CDH18: variants seen among roughly 807,000 people sequenced by gnomAD.
The protein encoded by CDH18 is cadherin 18.
CDH18 carries 31 observed loss-of-function variants against 67.9 expected under a neutral mutation model. The ratio of observed to expected loss-of-function variants is 0.46; its 90% CI spans 0.34 to 0.62. The LOEUF is 0.62. Ranked by LOEUF, CDH18 falls within the 20% of genes least tolerant of loss-of-function variation. The pLI is 0.01. For missense variants in CDH18, 890 were observed against 975.5 expected (o/e 0.91, Z 1.17); for synonymous variants, 362 against 347.2 (o/e 1.04, Z -0.48).
At chr5:20,249,715 A>C (rs1213377695) in intron 2 of CDH18, among the ~76,000 whole-genome samples, 3 of 152,174 alleles carry the variant, frequency 2.0e-5, no homozygotes, top group Non-Finnish European at 4.4e-5. Context: ...TACTTCGCTA[A>C]AAAAATTAAC....
intron 3 of CDH18, among the ~76,000 whole-genome samples, chr5:19,768,818 A>C (rs1773393143): frequency 6.6e-6 from 1 of 152,134 alleles, no homozygotes; most frequent in African/African-American, 2.4e-5. Context: ...TATTTATAAT[A>C]GAAGTATAAA....
At position 19,787,520 on chromosome 5, in the gene CDH18, T is replaced by TA. The variant is rs1238674487; in HGVS notation, c.229-40285dup. The stretch of plus-strand genomic sequence containing the variant: ...TTAATATAAAACAGCATTATTTTTA[T>TA]AGTTATCTGAAACTATATGCATGTG... On this transcript the variant is annotated intron_variant, in intron 3 of 12. Coordinates refer to ENST00000382275, the MANE Select transcript of CDH18 (RefSeq NM_004934.5). Among the ~76,000 whole-genome samples, 4 of 152,156 alleles carry TA rather than the reference T, an allele frequency of 2.6e-5. No homozygotes were observed. The South Asian group carries it at 8.3e-4, about 31-fold the overall frequency.
chr5:19,940,436 A>G (rs1794697637), intron 2 of CDH18, among the ~76,000 whole-genome samples: 1 of 151,948 alleles, frequency 6.6e-6, no homozygotes, highest in Non-Finnish European at 1.5e-5. Context: ...TTCTCCACAC[A>G]TCAGCCAGAC....
At chr5:19,596,998 C>T (rs1580407064) in intron 6 of CDH18, among the ~76,000 whole-genome samples, 1 of 152,140 alleles carries the variant, frequency 6.6e-6, no homozygotes, top group Non-Finnish European at 1.5e-5. Flanking sequence ...TATAGTGGCT[C>T]ACTTATGATG....
chr5:19,790,501 T>C (rs1218019887), intron 3 of CDH18, among the ~76,000 whole-genome samples: 4 of 152,158 alleles, frequency 2.6e-5, no homozygotes, highest in Non-Finnish European at 4.4e-5. Flanking sequence ...GACACATAGA[T>C]AATTAAAATA....
intron 2 of CDH18, among the ~76,000 whole-genome samples, chr5:19,858,966 G>GA (rs754139144): frequency 7.5e-4 from 112 of 149,514 alleles, no homozygotes; most frequent in Admixed American, 1.3e-3. Context: ...CATGAAAAAT[G>GA]AAAAAAAAAC....
chr5:19,548,908 C>T (rs1340348474), intron 8 of CDH18, among the ~76,000 whole-genome samples: 1 of 151,936 alleles, frequency 6.6e-6, no homozygotes. Flanking sequence ...TGCCATCATG[C>T]CTGGCTAATT....
chr5:19,944,414 G>A (rs931020818), intron 2 of CDH18, among the ~76,000 whole-genome samples: 1 of 152,072 alleles, frequency 6.6e-6, no homozygotes, highest in Non-Finnish European at 1.5e-5. Flanking sequence ...TTTATTAAAT[G>A]TACTAGATTC....
At chr5:20,363,554 A>C (rs1295646653) in intron 1 of CDH18, among the ~76,000 whole-genome samples, 1 of 149,432 alleles carries the variant, frequency 6.7e-6, no homozygotes, top group Non-Finnish European at 1.5e-5. Context: ...CCACCTTTGC[A>C]TGTATCTTTC....
At chr5:20,236,769 A>T (rs1187472594) in intron 2 of CDH18, among the ~76,000 whole-genome samples, 1 of 152,084 alleles carries the variant, frequency 6.6e-6, no homozygotes, top group Non-Finnish European at 1.5e-5. Flanking sequence ...AGAAGAAATC[A>T]AACAAATACT....
intron 2 of CDH18, among the ~76,000 whole-genome samples, chr5:20,056,976 C>T (rs926572131): frequency 2.6e-5 from 4 of 152,134 alleles, no homozygotes; most frequent in South Asian, 2.1e-4. Context: ...TGAGCCACCA[C>T]GCCCGGCCGA....
At chr5:19,552,136 A>T (rs559473832) in intron 8 of CDH18, among the ~76,000 whole-genome samples, 1 of 152,270 alleles carries the variant, frequency 6.6e-6, no homozygotes, top group South Asian at 2.1e-4. Flanking sequence ...TCTAGATAAG[A>T]TATTTATAGA....
At chr5:20,531,069 G>C (rs1449567414) in intron 1 of CDH18, among the ~76,000 whole-genome samples, 1 of 152,066 alleles carries the variant, frequency 6.6e-6, no homozygotes, top group African/African-American at 2.4e-5. Context: ...CCATTAAAAA[G>C]TGGGCAAAGG....
At chr5:19,773,429 T>C (rs1193489568) in intron 3 of CDH18, among the ~76,000 whole-genome samples, 1 of 152,132 alleles carries the variant, frequency 6.6e-6, no homozygotes, top group African/African-American at 2.4e-5. Context: ...CAAATTGTAA[T>C]TTGACTTACA....
intron 3 of CDH18, among the ~76,000 whole-genome samples, chr5:19,775,343 T>C (rs1774233971): frequency 6.6e-6 from 1 of 152,044 alleles, no homozygotes; most frequent in Admixed American, 6.6e-5. Context: ...GGGTAATTTA[T>C]AGGAAAAGAT....
chr5:19,899,450 A>C (rs556336465), intron 2 of CDH18, among the ~76,000 whole-genome samples: 1 of 152,294 alleles, frequency 6.6e-6, no homozygotes, highest in Admixed American at 6.5e-5. Flanking sequence ...AATTATTACA[A>C]AAAATAGGTG....
upstream of CDH18, among the ~76,000 whole-genome samples, chr5:19,989,123 C>T (rs549310095): frequency 5.3e-5 from 8 of 152,254 alleles, no homozygotes; most frequent in South Asian, 2.1e-4. Context: ...ACTTTCTCCC[C>T]GCACGAAGTC....
chr5:19,969,108 G>A (rs1797771044), intron 2 of CDH18, among the ~76,000 whole-genome samples: 1 of 146,206 alleles, frequency 6.8e-6, no homozygotes, highest in African/African-American at 2.8e-5. Flanking sequence ...CACCATCACT[G>A]GCCATCAGAG....
chr5:19,772,033 CTA>C (rs1773790461), intron 3 of CDH18, among the ~76,000 whole-genome samples: 1 of 152,096 alleles, frequency 6.6e-6, no homozygotes, highest in African/African-American at 2.4e-5. Flanking sequence ...ATTTTCCATT[CTA>C]TATGTTTTTG....
Sources: gnomAD v4.1 joint callset for allele counts (sites outside exome capture counted in the v4.1 genomes callset) on GRCh38, gnomAD v4.1.1 for gene constraint, MANE v1.5 for transcripts, NCBI Gene and HGNC (gene_info 2026-07-23, HGNC 2026-07-21) for gene names.